Variants in A2M observed in about 807,000 individuals in gnomAD.
The protein encoded by A2M is alpha-2-macroglobulin, also known as C3 and PZP-like alpha-2-macroglobulin domain-containing protein 5.
A neutral mutation model predicts 183.9 loss-of-function variants in A2M; 128 were observed. The observed-to-expected ratio is 0.70, with a 90% CI of 0.60 to 0.81. A2M has a LOEUF of 0.81. A2M is among the 30% of genes least tolerant of loss of function. The pLI is 0.00. For synonymous variants in A2M, 592 were observed against 670.8 expected, an observed-to-expected ratio of 0.88 and a Z score of 1.81; for missense variants, 1,495 against 1,787.6, an observed-to-expected ratio of 0.84 and a Z score of 2.95.
At position 9,089,234 on chromosome 12, in the gene A2M, C is replaced by T. The variant is rs1261550684; in HGVS notation, c.2736G>A (p.Lys912=). The T allele has an allele frequency of 6.3e-7, 1 of 1,588,574 alleles. No homozygotes were observed. Reference sequence around the variant, plus strand: ...AAAGTAGGGAGTTGAATGTTGTTTCCTTCTCTAGTCCTTCAGGCTTTAGGT... The same window carrying T: ...AAAGTAGGGAGTTGAATGTTGTTTCTTTCTCTAGTCCTTCAGGCTTTAGGT... The part of the protein sequence containing the change: ...PLLVEPEGLE[K]ETTFNSLLCP... Residue 912 remains lysine (K), a synonymous_variant, in exon 22 of 36, where the codon AAG becomes AAA. Transcript: ENST00000318602.
intron 27 of A2M, 122 bp from the exon 28 acceptor site, chr12:9,077,058 C>G: frequency 1.2e-6 from 1 of 804,182 alleles, no homozygotes; most frequent in Non-Finnish European, 1.9e-6. Flanking sequence ...ATTCCTCATT[C>G]TTATCAATAG....
Position 9,104,307 on chromosome 12 carries a change from C to A in A2M, c.1198G>T (p.Asp400Tyr). The change falls in exon 11 of 36, where the codon GAT becomes TAT. Residue 400 changes from aspartate to tyrosine, a missense_variant. By Grantham distance (160) the Asp-to-Tyr change is radical (BLOSUM62 -3). Transcript: ENST00000318602. ...GAGAACTGTACAAGGCCATGCTCATCCGTGGTAGCATTGGAGTAATAGTTT... is the reference window on the plus strand; with the variant it reads ...GAGAACTGTACAAGGCCATGCTCATACGTGGTAGCATTGGAGTAATAGTTT... ...EANYYSNATT[D>Y]EHGLVQFSIN... 6.2e-7 allele frequency: 1 copy of A among 1,612,972 alleles called. No individual in the cohort carries two copies. The highest frequency in any genetic ancestry group is 1.7e-5 in the Admixed American group (1 of 59,916).
chr12:9,099,987 A>C (rs996147205), intron 13 of A2M, among the ~76,000 whole-genome samples: 1 of 152,248 alleles, frequency 6.6e-6, no homozygotes, highest in African/African-American at 2.4e-5. Flanking sequence ...TAGAGGTTGC[A>C]TTAAGTTTCC....
intron 31 of A2M, among the ~76,000 whole-genome samples, chr12:9,072,095 C>A (rs778023046): frequency 6.6e-6 from 1 of 152,108 alleles, no homozygotes; most frequent in Non-Finnish European, 1.5e-5. Flanking sequence ...ACAAGGAATT[C>A]AGGTCAGAGG....
chr12:9,071,355 C>G (rs751568930), intron 31 of A2M, among the ~76,000 whole-genome samples: 18 of 151,818 alleles, frequency 1.2e-4, no homozygotes, highest in Non-Finnish European at 1.9e-4. Context: ...GCGTCTTGTC[C>G]CCGAGAGTTT....
Position 9,076,904 on chromosome 12 carries a change from C to T in A2M, c.3384G>A (p.Leu1128=). 1 of 1,607,276 alleles carries T rather than the reference C, an allele frequency of 6.2e-7. No homozygotes were observed. Among genetic ancestry groups the T allele is most frequent in the Non-Finnish European group, 8.5e-7 (1 of 1,176,302 alleles). Residue 1128 remains leucine, a synonymous_variant, in exon 28 of 36, where the codon CTG becomes CTA. Transcript: ENST00000318602. ...HPVVRNALFC[L]ESAWKTAQEG... ...CTTGTGCTGTCTTCCAGGCTGACTC[C>T]AGGCAAAACAGGGCATTGCGGACAA...
chr12:9,089,673 G>A (rs773598456), intron 21 of A2M, among the ~76,000 whole-genome samples: 5 of 152,038 alleles, frequency 3.3e-5, no homozygotes, highest in South Asian at 2.1e-4. Context: ...CCCAGGAGGC[G>A]GAGGTTGCAG....
intron 11 of A2M, among the ~76,000 whole-genome samples, chr12:9,102,497 T>C (rs751053884): frequency 6.6e-6 from 1 of 152,286 alleles, no homozygotes; most frequent in African/African-American, 2.4e-5. Context: ...ATTACAGGCG[T>C]GAGCTACCGT....
At position 9,098,705 on chromosome 12, in the gene A2M, G is replaced by A; in HGVS notation, c.1753C>T (p.Leu585=). The stretch of plus-strand genomic sequence containing the variant: ...GACTGAGGAGCCGCTGTGACTCGCA[G>A]GTGGGCGTGTGAGGCTGGGAGACTT... ...SQSLPASHAH[L]RVTAAPQSVC... is the part of the protein sequence containing the mutation. The change falls in exon 15 of 36, where the codon CTG becomes TTG. Residue 585 remains leucine, a synonymous_variant. Coordinates refer to ENST00000318602, the MANE Select transcript of A2M (RefSeq NM_000014.6). 2 of 1,612,728 alleles carry A rather than the reference G, an allele frequency of 1.2e-6. No homozygotes were observed. Among genetic ancestry groups the A allele is most frequent in the Non-Finnish European group, 1.7e-6 (2 of 1,179,638 alleles).
rs1250620975 is a variant in A2M, at chr12:9,069,732, GA to G, written c.4263+12del. 6.2e-7 allele frequency: 1 copy of G among 1,606,714 alleles called. No individual in the cohort carries two copies. The highest frequency in any genetic ancestry group is 8.5e-7 in the Non-Finnish European group (1 of 1,175,492). ...TCTACGTTTTTTTGCAAATAGACTG[GA>G]AGTTCTCTTACCTTATCAAGGTAAA... On this transcript the variant is annotated intron_variant, in intron 33 of 35. Transcript: ENST00000318602.
intron 15 of A2M, among the ~76,000 whole-genome samples, chr12:9,097,778 G>A (rs1029714908): frequency 4.5e-4 from 68 of 151,948 alleles, no homozygotes; most frequent in Admixed American, 3.6e-3. Context: ...GATGACAGGC[G>A]CCCGCCACCA....
intron 18 of A2M, among the ~76,000 whole-genome samples, chr12:9,092,858 A>C (rs1389642459): frequency 1.3e-5 from 2 of 152,244 alleles, no homozygotes; most frequent in Non-Finnish European, 2.9e-5. Flanking sequence ...ATATAAAAAC[A>C]ACCTAAGTGT....
At chr12:9,092,101 G>A (rs1949230243) in intron 18 of A2M, among the ~76,000 whole-genome samples, 1 of 152,158 alleles carries the variant, frequency 6.6e-6, no homozygotes, top group South Asian at 2.1e-4. Context: ...CTTCTAACTA[G>A]CCTGCACTGG....
At chr12:9,102,476 A>C (rs959481929) in intron 11 of A2M, among the ~76,000 whole-genome samples, 4 of 152,138 alleles carry the variant, frequency 2.6e-5, no homozygotes, top group Non-Finnish European at 4.4e-5. Context: ...TCAGCCTCCC[A>C]AAGTGCTGGG....
intron 7 of A2M, 139 bp from the exon 8 acceptor site, chr12:9,107,783 GAAGACAA>G: frequency 1.2e-6 from 1 of 852,356 alleles, no homozygotes; most frequent in East Asian, 2.7e-5. Context: ...ACACAATATT[GAAGACAA>G]GAGTCACTAA....
intron 35 of A2M, 24 bp from the exon 36 acceptor site, chr12:9,067,863 A>AG: frequency 6.2e-7 from 1 of 1,608,868 alleles, no homozygotes; most frequent in Non-Finnish European, 8.5e-7. Context: ...AAGAAAAAAA[A>AG]TTAAGACAGA....
At chr12:9,112,325 G>A (rs1938794429) in intron 3 of A2M, 52 bp downstream of exon 3, 1 of 1,598,558 alleles carries the variant, frequency 6.3e-7, no homozygotes, top group Non-Finnish European at 8.6e-7. Flanking sequence ...AACATCCAGG[G>A]GAAGAAGATC....
At chr12:9,090,241 A>G (rs1949168378) in intron 20 of A2M, 115 bp downstream of exon 20, 1 of 1,526,662 alleles carries the variant, frequency 6.6e-7, no homozygotes, top group Non-Finnish European at 9.0e-7. Flanking sequence ...AGGCAAAGGA[A>G]AAAAATCGCA....
chr12:9,073,375 A>G (rs758132139), intron 29 of A2M, among the ~76,000 whole-genome samples: 1 of 152,336 alleles, frequency 6.6e-6, no homozygotes, highest in South Asian at 2.1e-4. Context: ...AAAGATGAGT[A>G]TTATAATTAT....
Sources: allele counts gnomAD v4.1 joint callset (sites outside exome capture counted in the v4.1 genomes callset), GRCh38; gene constraint gnomAD v4.1.1; transcripts MANE v1.5; gene names NCBI Gene and HGNC (gene_info 2026-07-23, HGNC 2026-07-21).